PCDHAC1: variants seen among roughly 807,000 people sequenced by gnomAD.
The protein encoded by PCDHAC1 is protocadherin alpha subfamily C, 1.
In PCDHAC1, 42 loss-of-function variants were observed where a neutral mutation model predicts 60.0. That is an observed-to-expected ratio of 0.70 (90% CI 0.55 to 0.90). The LOEUF (loss-of-function observed/expected upper bound fraction) is 0.90, where lower values mean the gene tolerates loss of function less well. Among genes scored for constraint, PCDHAC1 ranks in the 40% least tolerant of loss-of-function variants. The probability of loss-of-function intolerance (pLI) is 0.00; values close to 1 mark genes in which losing one functional copy is unlikely to be tolerated. For synonymous variants in PCDHAC1, 468 were observed against 499.3 expected (o/e 0.94, Z 0.84); for missense variants, 1,160 against 1,222.3 (o/e 0.95, Z 0.76).
Position 140,927,930 on chromosome 5 carries a change from G to A in PCDHAC1, c.1038G>A (p.Ser346=), listed in dbSNP as rs782236455. Residue 346 remains serine (S), a synonymous_variant, in exon 1 of 4, where the codon TCG becomes TCA. Transcript: ENST00000253807. ...CCGAACTGGACTTCCTGACTCTTTC[G>A]AACCCAGTACCTGAGGACGCTGCCC... ...HAPELDFLTL[S]NPVPEDAAPG... 30 of 1,614,062 alleles carry A rather than the reference G, an allele frequency of 1.9e-5. No individual in the cohort carries two copies. The highest frequency in any genetic ancestry group is 5.0e-5 in the Admixed American group (3 of 60,006).
At chr5:140,983,018 A>T (rs2097022598) in intron 3 of PCDHAC1, among the ~76,000 whole-genome samples, 1 of 152,096 alleles carries the variant, frequency 6.6e-6, no homozygotes, top group African/African-American at 2.4e-5. Flanking sequence ...GGAAGGAAGG[A>T]AGGAAGATGG....
In PCDHAC1 at chr5:140,928,656, T is replaced by A. The variant is rs116598649; in HGVS notation, c.1764T>A (p.Ala588=). ...TCACAAAAGTGGTAGCAGAGGATGC[T>A]GACAGTGGTTCTAATGCCTGGCTTT... The part of the protein sequence containing the change: ...HLVTKVVAED[A]DSGSNAWLSY... Residue 588 remains alanine (A), a synonymous_variant, in exon 1 of 4, where the codon GCT becomes GCA. Transcript: ENST00000253807. 5,180 of 1,614,228 alleles carry A rather than the reference T, an allele frequency of 3.2e-3. 26 individuals are homozygous for A. Among genetic ancestry groups the A allele is most frequent in the African/African-American group, 0.019 (1,449 of 75,056 alleles).
chr5:140,941,996 A>G (rs951664999), intron 1 of PCDHAC1, among the ~76,000 whole-genome samples: 1 of 152,220 alleles, frequency 6.6e-6, no homozygotes, highest in Non-Finnish European at 1.5e-5. Flanking sequence ...AGGGATTCAT[A>G]TCTCTTATTA....
chr5:140,933,567 A>G lies in PCDHAC1; in HGVS notation c.2433+4242A>G, dbSNP rs146986632. ...AATATAAAATAAAAACCAATTAAGA[A>G]GTCTTAATAGTGGGTTTTTAGGTTG... On this transcript the variant is annotated intron_variant, in intron 1 of 3. Coordinates refer to ENST00000253807, the MANE Select transcript of PCDHAC1 (RefSeq NM_018898.5). Among the ~76,000 whole-genome samples the G allele has an allele frequency of 5.4e-3, 827 of 152,184 alleles. 4 individuals are homozygous for G. Among genetic ancestry groups the G allele is most frequent in the African/African-American group, 0.019 (796 of 41,566 alleles).
In PCDHAC1 at chr5:140,968,269, T is replaced by C. The variant is rs558051125; in HGVS notation, c.2434-10680T>C. On this transcript the variant is annotated intron_variant, in intron 1 of 3. Coordinates refer to ENST00000253807, the MANE Select transcript of PCDHAC1 (RefSeq NM_018898.5). ...CCACAGACCCAGATGAAAAGGAGAATGCAGAGGTGACCTACTCCCTTCTGG... is the reference window on the plus strand; with the variant it reads ...CCACAGACCCAGATGAAAAGGAGAACGCAGAGGTGACCTACTCCCTTCTGG... 6.9e-5 allele frequency: 112 copies of C among 1,614,074 alleles called. 2 individuals carry two copies. In the South Asian group the frequency reaches 1.1e-3, roughly 16 times the overall value.
rs74520967 is a variant in PCDHAC1 at position 140,931,074 on chromosome 5, G to A, written c.2433+1749G>A. Among the ~76,000 whole-genome samples, 869 of 152,264 alleles carry A rather than the reference G, an allele frequency of 5.7e-3. 7 individuals are homozygous for A. The highest frequency in any genetic ancestry group is 0.018 in the African/African-American group (768 of 41,552). ...ATGCTGTGTCTGGGACTAAGTATGAGTCCAGTTCTACAGATGACAAAGGAA... is the reference window on the plus strand; with the variant it reads ...ATGCTGTGTCTGGGACTAAGTATGAATCCAGTTCTACAGATGACAAAGGAA... On this transcript the variant is annotated intron_variant, in intron 1 of 3. Coordinates refer to ENST00000253807, the MANE Select transcript of PCDHAC1 (RefSeq NM_018898.5).
rs2098415868 is a variant in PCDHAC1 at position 141,010,044 on chromosome 5, G to A, written c.*107G>A. On this transcript the variant is annotated 3_prime_UTR_variant, in exon 4 of 4. Coordinates refer to ENST00000253807, the MANE Select transcript of PCDHAC1 (RefSeq NM_018898.5). ...TTTCCTATCTACATGAGCCCTCTTA[G>A]AGACCTCAGAAATCTGCAGAAAGTT... 6.3e-7 allele frequency: 1 copy of A among 1,594,604 alleles called. No individual in the cohort carries two copies. The highest frequency in any genetic ancestry group is 8.5e-7 in the Non-Finnish European group (1 of 1,171,226).
intron 1 of PCDHAC1, among the ~76,000 whole-genome samples, chr5:140,958,893 A>G (rs1332305633): frequency 2.6e-5 from 4 of 152,002 alleles, no homozygotes; most frequent in African/African-American, 9.7e-5. Flanking sequence ...TAGCTATATA[A>G]TAGATACAGA....
rs782242128 is a variant in PCDHAC1 at position 140,928,580 on chromosome 5, GT to G, written c.1690del (p.Ser564LeufsTer21). 100 of 1,614,112 alleles carry G rather than the reference GT, an allele frequency of 6.2e-5. 1 individual carries two copies. The East Asian group carries it at 2.2e-3, about 36-fold the overall frequency. ...PVILFPLPRN[G>X]SVPVEIVPRS... ...ATCTTGTTTCCCTTGCCCAGAAATG[GT>G]TCTGTCCCAGTGGAAATTGTGCCCC... On this transcript the variant is annotated frameshift_variant, in exon 1 of 4. Transcript: ENST00000253807. LOFTEE classifies it high-confidence loss of function.
At chr5:140,966,805 T>G in intron 1 of PCDHAC1, 1 of 1,545,566 alleles carries the variant, frequency 6.5e-7, no homozygotes, top group East Asian at 2.4e-5. Context: ...CGACAGAGCA[T>G]CCACGGCTCC....
chr5:140,929,430 A>G, intron 1 of PCDHAC1, 105 bp downstream of exon 1: 1 of 1,490,684 alleles, frequency 6.7e-7, no homozygotes, highest in Non-Finnish European at 9.0e-7. Flanking sequence ...CATCAATTGA[A>G]CTAAACACTC....
chr5:141,008,766 A>G (rs2098390228), intron 3 of PCDHAC1, among the ~76,000 whole-genome samples: 1 of 152,246 alleles, frequency 6.6e-6, no homozygotes, highest in Non-Finnish European at 1.5e-5. Context: ...TTTGGCTTGG[A>G]AAGTAAAATT....
intron 1 of PCDHAC1, among the ~76,000 whole-genome samples, chr5:140,977,969 C>T (rs1554238945): frequency 6.6e-6 from 1 of 152,114 alleles, no homozygotes; most frequent in African/African-American, 2.4e-5. Context: ...AATCTCCGCC[C>T]ATGAAAACGC....
intron 1 of PCDHAC1, among the ~76,000 whole-genome samples, chr5:140,954,085 C>G (rs1477637836): frequency 1.3e-5 from 2 of 152,142 alleles, no homozygotes; most frequent in African/African-American, 4.8e-5. Context: ...GCTTCCAGCT[C>G]CATCCATGTC....
At chr5:141,003,053 C>T (rs1554258899) in intron 3 of PCDHAC1, among the ~76,000 whole-genome samples, 3 of 152,206 alleles carry the variant, frequency 2.0e-5, no homozygotes, top group African/African-American at 7.2e-5. Flanking sequence ...CTTAACAGAA[C>T]AGTTCCAAAT....
chr5:140,933,300 A>G (rs541308392), intron 1 of PCDHAC1, among the ~76,000 whole-genome samples: 41 of 152,132 alleles, frequency 2.7e-4, no homozygotes, highest in African/African-American at 9.4e-4. Context: ...ATCTGGAAAT[A>G]AATATGCAAT....
Position 141,009,718 on chromosome 5 carries a change from A to C in PCDHAC1, c.2673A>C (p.Gln891His). The change falls in exon 4 of 4, where the codon CAA becomes CAC. Residue 891 changes from glutamine to histidine, a missense_variant. Around this residue, in one of 3 missense-constraint regions of PCDHAC1, gnomAD observed 1,113 missense variants for 1,163.7 expected, o/e 0.96. Coordinates refer to ENST00000253807, the MANE Select transcript of PCDHAC1 (RefSeq NM_018898.5). Reference protein sequence around the residue: ...TFKYGPGNPKQSGPGELPDKF... With the variant: ...TFKYGPGNPKHSGPGELPDKF... Reference sequence around the variant, plus strand: ...AATACGGACCAGGCAACCCCAAACAATCCGGTCCCGGTGAGTTGCCCGACA... The same window carrying C: ...AATACGGACCAGGCAACCCCAAACACTCCGGTCCCGGTGAGTTGCCCGACA... 6.2e-7 allele frequency: 1 copy of C among 1,614,044 alleles called. No individual in the cohort carries two copies. Among genetic ancestry groups the C allele is most frequent in the Non-Finnish European group, 8.5e-7 (1 of 1,180,018 alleles).
At chr5:141,008,206 G>A (rs979113429) in intron 3 of PCDHAC1, among the ~76,000 whole-genome samples, 1 of 152,184 alleles carries the variant, frequency 6.6e-6, no homozygotes, top group African/African-American at 2.4e-5. Flanking sequence ...TAATGAACTT[G>A]ACATGAGTTA....
rs569740487 is a variant in PCDHAC1, at chr5:140,970,470, G to A, written c.2434-8479G>A. On this transcript the variant is annotated intron_variant, in intron 1 of 3. Transcript: ENST00000253807. Reference sequence around the variant, plus strand: ...AGTTTTGAGATTTAAGTAGGTATAAGGCCAGCTTGTTCATTATTATGAAGA... The same window carrying A: ...AGTTTTGAGATTTAAGTAGGTATAAAGCCAGCTTGTTCATTATTATGAAGA... Among the ~76,000 whole-genome samples the A allele has an allele frequency of 2.6e-5, 4 of 152,238 alleles. No homozygotes were observed. In the South Asian group the frequency reaches 8.3e-4, roughly 32 times the overall value.
Sources: gnomAD v4.1 joint callset for allele counts (sites outside exome capture counted in the v4.1 genomes callset) on GRCh38, gnomAD v4.1.1 for gene constraint, gnomAD v4.1.1 regional missense constraint, MANE v1.5 for transcripts, NCBI Gene and HGNC (gene_info 2026-07-23, HGNC 2026-07-21) for gene names.